XAF1: variants seen among roughly 807,000 people sequenced by gnomAD.
XAF1 encodes XIAP-associated factor 1.
XAF1 carries 32 observed loss-of-function variants against 32.3 expected under a neutral mutation model. The observed-to-expected ratio is 0.99, with a 90% CI of 0.75 to 1.33. The LOEUF (loss-of-function observed/expected upper bound fraction) is 1.33, where lower values mean the gene tolerates loss of function less well. Ranked by LOEUF, XAF1 falls within the 40% of genes most tolerant of loss-of-function variation. The probability of loss-of-function intolerance (pLI) is 0.00; values close to 1 mark genes in which losing one functional copy is unlikely to be tolerated. For missense variants in XAF1, 379 were observed against 366.0 expected, an observed-to-expected ratio of 1.04 and a Z score of -0.29; for synonymous variants, 120 against 125.9, an observed-to-expected ratio of 0.95 and a Z score of 0.31.
At position 6,762,121 on chromosome 17, in the gene XAF1, A is replaced by T. The variant is rs760915247; in HGVS notation, c.422-34A>T. 6 of 1,611,668 alleles carry T rather than the reference A, an allele frequency of 3.7e-6. No homozygotes were observed. The Admixed American group carries it at 1.0e-4, about 27-fold the overall frequency. ...AGCTGGGCTAGCCGTTGACAAGGAC[A>T]ATCATTTGTGGTGTTGTTTCTCTGC... On this transcript the variant is annotated intron_variant, in intron 4 of 6. Transcript: ENST00000361842.
intron 5 of XAF1, among the ~76,000 whole-genome samples, chr17:6,764,517 A>G (rs975218176): frequency 2.0e-5 from 3 of 152,198 alleles, no homozygotes; most frequent in Non-Finnish European, 2.9e-5. Context: ...ATAACTTTTT[A>G]AAGGGGTACC....
intron 2 of XAF1, chr17:6,759,011 A>G: frequency 5.5e-6 from 2 of 364,712 alleles, no homozygotes; most frequent in South Asian, 5.0e-5. Context: ...GCAAGAAAGA[A>G]GGGGTCTGGG....
Position 6,758,094 on chromosome 17 carries a change from G to A in XAF1, c.38G>A (p.Arg13Lys). ...GDFSVCRNCK[R>K]HVVSANFTLH... ...CCCACACCTTGACCCTGTAGTAAAAGACATGTAGTCTCTGCCAACTTCACC... is the reference window on the plus strand; with the variant it reads ...CCCACACCTTGACCCTGTAGTAAAAAACATGTAGTCTCTGCCAACTTCACC... Residue 13 changes from arginine (R) to lysine (K), a missense_variant, in exon 2 of 7, where the codon AGA (arginine) becomes AAA (lysine). Physicochemically the swap from Arg to Lys is conservative, Grantham distance 26 (BLOSUM62 2). Transcript: ENST00000361842. 1 of 1,614,216 alleles carries A rather than the reference G, an allele frequency of 6.2e-7. No homozygotes were observed. Among genetic ancestry groups the A allele is most frequent in the Non-Finnish European group, 8.5e-7 (1 of 1,180,032 alleles).
At position 6,760,474 on chromosome 17, in the gene XAF1, G is replaced by A; in HGVS notation, c.294G>A (p.Leu98=). The A allele has an allele frequency of 6.2e-7, 1 of 1,613,320 alleles. No individual in the cohort carries two copies. Among genetic ancestry groups the A allele is most frequent in the Non-Finnish European group, 8.5e-7 (1 of 1,179,706 alleles). The change falls in exon 4 of 7, where the codon CTG becomes CTA. Residue 98 remains leucine, a synonymous_variant. Coordinates refer to ENST00000361842, the MANE Select transcript of XAF1 (RefSeq NM_017523.5). The part of the protein sequence containing the change: ...FCKLDMQLSK[L]ELHESYCGSR... ...AACTGGACATGCAGCTCAGCAAGCT[G>A]GAGCTCCACGAGTCCTACTGTGGCA... is the stretch of plus-strand genomic sequence containing the variant.
Position 6,759,726 on chromosome 17 carries a change from C to A in XAF1, c.225+8C>A, listed in dbSNP as rs1567648036. 6.2e-7 allele frequency: 1 copy of A among 1,613,948 alleles called. No individual in the cohort carries two copies. On this transcript the variant is annotated splice_region_variant and intron_variant, in intron 3 of 6. Coordinates refer to ENST00000361842, the MANE Select transcript of XAF1 (RefSeq NM_017523.5). ...TCGCTGGAGTTTCATAAGGTAAGAG[C>A]CCCATGTGATTTCTCCTTTACAGCC...
At chr17:6,769,298 C>CA (rs1597749966) in intron 5 of XAF1, among the ~76,000 whole-genome samples, 4 of 151,076 alleles carry the variant, frequency 2.6e-5, no homozygotes, top group East Asian at 1.9e-4. Context: ...GTTCTCACTA[C>CA]AAAAAAAAGA....
In XAF1 at chr17:6,775,071, T is replaced by C. The variant is rs1976333113; in HGVS notation, c.*1902T>C. 1 of 150,150 alleles carries C rather than the reference T, an allele frequency of 6.7e-6. No individual in the cohort carries two copies. The highest frequency in any genetic ancestry group is 2.1e-4 in the South Asian group (1 of 4,756). 9.3% of individuals were successfully genotyped at this position (150,150 alleles called of 1,614,324 possible). On this transcript the variant is annotated 3_prime_UTR_variant, in exon 7 of 7. Coordinates refer to ENST00000361842, the MANE Select transcript of XAF1 (RefSeq NM_017523.5). ...AAAAAAAAAGAAAATGTGGCACATA[T>C]ACACCATGGAATACTATGCAGCCAT... is the stretch of plus-strand genomic sequence containing the variant.
Position 6,760,561 on chromosome 17 carries a change from C to T in XAF1, c.381C>T (p.His127=), listed in dbSNP as rs1975113028. ...TCATGCACCGCATGCTCGCCCAGCA[C>T]AGAGATGTCTGTCGCAGTGAACAGG... ...QFIMHRMLAQ[H]RDVCRSEQAQ... is the part of the protein sequence containing the mutation. The change falls in exon 4 of 7, where the codon CAC becomes CAT. Residue 127 remains histidine, a synonymous_variant. Coordinates refer to ENST00000361842, the MANE Select transcript of XAF1 (RefSeq NM_017523.5). 1 of 1,613,162 alleles carries T rather than the reference C, an allele frequency of 6.2e-7. No homozygotes were observed. Among genetic ancestry groups the T allele is most frequent in the South Asian group, 1.1e-5 (1 of 91,020 alleles).
intron 2 of XAF1, chr17:6,759,302 T>G (rs1164333514): frequency 1.6e-6 from 2 of 1,212,206 alleles, no homozygotes; most frequent in African/African-American, 3.1e-5. Flanking sequence ...CAGGAAAGAC[T>G]GGCTGTTCTC....
chr17:6,764,635 T>C (rs531429127), intron 5 of XAF1, among the ~76,000 whole-genome samples: 15 of 152,258 alleles, frequency 9.9e-5, no homozygotes, highest in Non-Finnish European at 1.8e-4. Context: ...TGGTTTTCAG[T>C]CTTTAACTTT....
At chr17:6,766,824 C>T (rs1040385904) in intron 5 of XAF1, among the ~76,000 whole-genome samples, 7 of 152,282 alleles carry the variant, frequency 4.6e-5, no homozygotes, top group African/African-American at 1.4e-4. Context: ...ATAGTCTGTC[C>T]ATTTCATTTT....
rs1489371716 is a variant in XAF1, at chr17:6,770,808, G to GA, written c.676dup (p.Ser226LysfsTer30). On this transcript the variant is annotated frameshift_variant, in exon 6 of 7. Transcript: ENST00000361842. LOFTEE classifies it high-confidence loss of function. Reference sequence around the variant, plus strand: ...TATAAACAGATTTCCTCTTCATTCTGAAAGTTCATCAAAGAAAGCACCAAG... The same window carrying GA: ...TATAAACAGATTTCCTCTTCATTCTGAAAAGTTCATCAAAGAAAGCACCAAG... 6.2e-7 allele frequency: 1 copy of GA among 1,613,716 alleles called. No individual in the cohort carries two copies. The highest frequency in any genetic ancestry group is 8.5e-7 in the Non-Finnish European group (1 of 1,179,922).
At chr17:6,772,963 G>T in intron 6 of XAF1, 150 bp from the exon 7 acceptor site, 1 of 635,860 alleles carries the variant, frequency 1.6e-6, no homozygotes, top group Non-Finnish European at 2.6e-6. Flanking sequence ...TTCTGGCTCA[G>T]TGGGCTCCTG....
In XAF1 at chr17:6,770,788, A is replaced by G. The variant is rs1293826972; in HGVS notation, c.653A>G (p.Asn218Ser). The G allele has an allele frequency of 1.2e-6, 2 of 1,613,892 alleles. No individual in the cohort carries two copies. Among genetic ancestry groups the G allele is most frequent in the African/African-American group, 1.3e-5 (1 of 74,918 alleles). The change falls in exon 6 of 7, where the codon AAC (asparagine) becomes AGC (serine). Residue 218 changes from asparagine (N) to serine (S), a missense_variant. Physicochemically the swap from Asn to Ser is conservative, Grantham distance 46. Coordinates refer to ENST00000361842, the MANE Select transcript of XAF1 (RefSeq NM_017523.5). ...KDVRPKTRSI[N>S]RFPLHSESSS... ...GTTCGTCCAAAGACAAGAAGTATAA[A>G]CAGATTTCCTCTTCATTCTGAAAGT...
intron 1 of XAF1, among the ~76,000 whole-genome samples, chr17:6,756,817 G>A (rs938074361): frequency 2.6e-5 from 4 of 152,162 alleles, no homozygotes; most frequent in African/African-American, 4.8e-5. Flanking sequence ...GGGCAGAAGA[G>A]GAGTGAGGCT....
rs1272960623 is a variant in XAF1, at chr17:6,775,369, C to G, written c.*2200C>G. On this transcript the variant is annotated 3_prime_UTR_variant, in exon 7 of 7. Transcript: ENST00000361842. ...TGATGAAATAATCTGTACAACAAACCCTGGTGACATGCAATTTACCTATAT... is the reference window on the plus strand; with the variant it reads ...TGATGAAATAATCTGTACAACAAACGCTGGTGACATGCAATTTACCTATAT... 6.6e-6 allele frequency: 1 copy of G among 152,038 alleles called. No individual in the cohort carries two copies. Among genetic ancestry groups the G allele is most frequent in the Non-Finnish European group, 1.5e-5 (1 of 68,012 alleles). The allele number at this position is 152,038 out of a possible 1,614,324, so 9.4% of individuals were successfully genotyped here.
intron 6 of XAF1, 186 bp downstream of exon 6, chr17:6,771,170 C>T (rs902935586): frequency 1.1e-5 from 6 of 559,452 alleles, no homozygotes; most frequent in Non-Finnish European, 1.8e-5. Flanking sequence ...TTTGCATCAC[C>T]TCCGAGAGAC....
intron 2 of XAF1, chr17:6,759,012 G>T: frequency 2.4e-6 from 1 of 423,798 alleles, no homozygotes; most frequent in Non-Finnish European, 3.5e-6. Flanking sequence ...CAAGAAAGAA[G>T]GGGTCTGGGA....
chr17:6,764,930 C>G (rs1597736673), intron 5 of XAF1, among the ~76,000 whole-genome samples: 1 of 152,320 alleles, frequency 6.6e-6, no homozygotes, highest in East Asian at 1.9e-4. Flanking sequence ...TCATCACTCC[C>G]TCTTCCTCAG....
Sources: gnomAD v4.1 joint callset for allele counts (sites outside exome capture counted in the v4.1 genomes callset) on GRCh38, gnomAD v4.1.1 for gene constraint, MANE v1.5 for transcripts, NCBI Gene and HGNC (gene_info 2026-07-23, HGNC 2026-07-21) for gene names.